NKAIN3: variants seen among roughly 807,000 people sequenced by gnomAD.
NKAIN3 encodes sodium/potassium transporting ATPase interacting 3.
NKAIN3 carries 25 observed loss-of-function variants against 30.2 expected under a neutral mutation model. That is an observed-to-expected ratio of 0.83 (90% confidence interval 0.60 to 1.16). The LOEUF is 1.16. Ranked by LOEUF, NKAIN3 falls within the 50% of genes most tolerant of loss-of-function variation. The pLI is 0.00. For missense variants in NKAIN3, 225 were observed against 254.1 expected, an observed-to-expected ratio of 0.89 and a Z score of 0.78; for synonymous variants, 91 against 89.6, an observed-to-expected ratio of 1.02 and a Z score of -0.09.
intron 1 of NKAIN3, among the ~76,000 whole-genome samples, chr8:62,538,905 C>T (rs1456579221): frequency 6.6e-6 from 1 of 152,156 alleles, no homozygotes; most frequent in African/African-American, 2.4e-5. Flanking sequence ...ACCACTTTAT[C>T]CCCTTACCTT....
intron 1 of NKAIN3, among the ~76,000 whole-genome samples, chr8:62,480,533 A>T (rs74879453): frequency 6.3e-4 from 7 of 11,156 alleles, no homozygotes; most frequent in East Asian, 5.3e-3. Flanking sequence ...TGTTTGGATT[A>T]AAAAAAAAAA....
chr8:62,441,458 C>A (rs954367173), intron 1 of NKAIN3, among the ~76,000 whole-genome samples: 1 of 151,866 alleles, frequency 6.6e-6, no homozygotes. Flanking sequence ...CTAAAATATT[C>A]TCTATAATGT....
At chr8:62,405,969 C>T (rs1012263383) in intron 1 of NKAIN3, among the ~76,000 whole-genome samples, 1 of 152,064 alleles carries the variant, frequency 6.6e-6, no homozygotes, top group Non-Finnish European at 1.5e-5. Flanking sequence ...ATTTTTAAAC[C>T]AGTATCCAAT....
chr8:62,866,741 G>T (rs1471055079), intron 4 of NKAIN3, among the ~76,000 whole-genome samples: 1 of 152,016 alleles, frequency 6.6e-6, no homozygotes. Context: ...AGGTGTTTGC[G>T]GTTGTCTTAA....
At chr8:62,903,665 C>T (rs889736356) in intron 4 of NKAIN3, among the ~76,000 whole-genome samples, 3 of 152,102 alleles carry the variant, frequency 2.0e-5, no homozygotes, top group South Asian at 2.1e-4. Flanking sequence ...AATATGCTGC[C>T]TGTATTAATC....
intron 4 of NKAIN3, among the ~76,000 whole-genome samples, chr8:62,891,986 T>G (rs1821310176): frequency 6.6e-6 from 1 of 152,164 alleles, no homozygotes; most frequent in African/African-American, 2.4e-5. Context: ...AGGCTTAAAC[T>G]CCTGCTATTT....
rs1013511559 is a variant in NKAIN3 at position 62,249,350 on chromosome 8, C to T, written c.54+223C>T. ...CCTGCAGGAGGGCGCGGTCTCACCC[C>T]CGGTCCCATGCGCTGGGGTTCGCCG... is the stretch of plus-strand genomic sequence containing the variant. On this transcript the variant is annotated intron_variant, in intron 1 of 6. Coordinates refer to ENST00000623646, the MANE Select transcript of NKAIN3 (RefSeq NM_001304533.3). 7.9e-5 allele frequency among the ~76,000 whole-genome samples: 12 copies of T among 152,170 alleles called. 1 individual carries two copies. The highest frequency in any genetic ancestry group is 7.9e-4 in the Admixed American group (12 of 15,284).
intron 1 of NKAIN3, among the ~76,000 whole-genome samples, chr8:62,294,375 T>G (rs1049746303): frequency 1.3e-5 from 2 of 152,188 alleles, no homozygotes; most frequent in African/African-American, 4.8e-5. Context: ...GAGTAGGCAC[T>G]CGAAAATATG....
chr8:62,597,934 T>A (rs1281526738), intron 3 of NKAIN3, among the ~76,000 whole-genome samples: 1 of 151,934 alleles, frequency 6.6e-6, no homozygotes, highest in Non-Finnish European at 1.5e-5. Context: ...TGAGAAAAAT[T>A]TATGTTAGAG....
At chr8:62,702,120 A>C (rs943250303) in intron 3 of NKAIN3, among the ~76,000 whole-genome samples, 4 of 152,176 alleles carry the variant, frequency 2.6e-5, no homozygotes, top group African/African-American at 9.7e-5. Flanking sequence ...GTGTCTTCAC[A>C]CTTGACCTGC....
intron 4 of NKAIN3, among the ~76,000 whole-genome samples, chr8:62,787,644 A>G (rs1265936624): frequency 6.6e-6 from 1 of 152,076 alleles, no homozygotes; most frequent in Non-Finnish European, 1.5e-5. Context: ...TCATCATTTA[A>G]CATTAGGTAT....
intron 1 of NKAIN3, among the ~76,000 whole-genome samples, chr8:62,329,306 T>G (rs1815255957): frequency 6.6e-6 from 1 of 152,138 alleles, no homozygotes; most frequent in Non-Finnish European, 1.5e-5. Context: ...AATCATTAAT[T>G]AATACAGAGA....
At chr8:62,523,149 C>A (rs1808206979) in intron 1 of NKAIN3, among the ~76,000 whole-genome samples, 1 of 152,014 alleles carries the variant, frequency 6.6e-6, no homozygotes, top group Non-Finnish European at 1.5e-5. Context: ...TTTATATACA[C>A]AAATACTCAT....
At chr8:62,710,083 G>A (rs1002487340) in intron 3 of NKAIN3, among the ~76,000 whole-genome samples, 2 of 152,084 alleles carry the variant, frequency 1.3e-5, no homozygotes, top group African/African-American at 4.8e-5. Context: ...TGGTCTGAGA[G>A]AGTGCTTGTT....
chr8:62,971,748 T>C lies in NKAIN3; in HGVS notation c.*6341T>C, dbSNP rs567887201. ...TAATTGACATGATTTCTTGGAACAG[T>C]GTTTTCATTTGTAGTACTTTATAAC... On this transcript the variant is annotated 3_prime_UTR_variant, in exon 7 of 7. Transcript: ENST00000623646. Among the ~76,000 whole-genome samples, 1 of 152,336 alleles carries C rather than the reference T, an allele frequency of 6.6e-6. No individual in the cohort carries two copies. Among genetic ancestry groups the C allele is most frequent in the East Asian group, 1.9e-4 (1 of 5,188 alleles).
At chr8:62,429,150 T>G (rs915165693) in intron 1 of NKAIN3, among the ~76,000 whole-genome samples, 2 of 151,924 alleles carry the variant, frequency 1.3e-5, no homozygotes, top group African/African-American at 4.8e-5. Context: ...AATGTCTAAT[T>G]GCTCTGGCTA....
chr8:62,659,483 G>A (rs559440776), intron 3 of NKAIN3, among the ~76,000 whole-genome samples: 1 of 152,352 alleles, frequency 6.6e-6, no homozygotes, highest in East Asian at 1.9e-4. Flanking sequence ...AGCTTAATGT[G>A]ACTGACTATG....
chr8:62,954,991 T>G (rs1440573878), intron 6 of NKAIN3, among the ~76,000 whole-genome samples: 1 of 152,136 alleles, frequency 6.6e-6, no homozygotes, highest in Non-Finnish European at 1.5e-5. Context: ...TTATGTAAAA[T>G]AGTCGCTTGT....
At chr8:62,430,766 A>G (rs1804970042) in intron 1 of NKAIN3, among the ~76,000 whole-genome samples, 1 of 151,880 alleles carries the variant, frequency 6.6e-6, no homozygotes. Context: ...AATACAATGC[A>G]GTAATGTGAG....
Sources: gnomAD v4.1 joint callset for allele counts (sites outside exome capture counted in the v4.1 genomes callset) on GRCh38, gnomAD v4.1.1 for gene constraint, MANE v1.5 for transcripts, NCBI Gene and HGNC (gene_info 2026-07-23, HGNC 2026-07-21) for gene names.